Variants in BIRC5 observed in about 807,000 individuals in gnomAD.
BIRC5 encodes the protein baculoviral IAP repeat-containing protein 5.
BIRC5 carries 8 observed loss-of-function variants against 15.8 expected under a neutral mutation model. The ratio of observed to expected loss-of-function variants is 0.51; its 90% CI spans 0.30 to 0.91. The LOEUF (loss-of-function observed/expected upper bound fraction) is 0.91, where lower values mean the gene tolerates loss of function less well. Among genes scored for constraint, BIRC5 ranks in the 40% least tolerant of loss-of-function variants. BIRC5 has a pLI of 0.07. For synonymous variants in BIRC5, 56 were observed against 64.5 expected (o/e 0.87, Z 0.63); for missense variants, 163 against 178.6 (o/e 0.91, Z 0.50).
intron 3 of BIRC5, 137 bp from the exon 4 acceptor site, chr17:78,223,328 A>G: frequency 1.3e-6 from 1 of 789,618 alleles, no homozygotes; most frequent in South Asian, 2.3e-5. Context: ...GTAGCTGGGA[A>G]TCTGCCTAGC....
rs771587762 is a variant in BIRC5, at chr17:78,214,314, G to T, written c.-3G>T. On this transcript the variant is annotated 5_prime_UTR_variant, in exon 1 of 4. Coordinates refer to ENST00000350051, the MANE Select transcript of BIRC5 (RefSeq NM_001168.3). ...ACCCGTTGGCAGAGGTGGCGGCGGCGGCATGGGTGCCCCGACGTTGCCCCC... is the reference window on the plus strand; with the variant it reads ...ACCCGTTGGCAGAGGTGGCGGCGGCTGCATGGGTGCCCCGACGTTGCCCCC... The T allele has an allele frequency of 6.2e-7, 1 of 1,602,046 alleles. No individual in the cohort carries two copies. Among genetic ancestry groups the T allele is most frequent in the Non-Finnish European group, 8.5e-7 (1 of 1,175,738 alleles).
At chr17:78,223,030 AG>A (rs2076525419) in intron 3 of BIRC5, 1 of 1,342,932 alleles carries the variant, frequency 7.4e-7, no homozygotes, top group Admixed American at 3.4e-5. Flanking sequence ...TGCCTAGACT[AG>A]CTGGGGTGCC....
chr17:78,214,567 C>T (rs112948461), intron 1 of BIRC5, 113 bp from the exon 2 acceptor site: 1 of 1,281,854 alleles, frequency 7.8e-7, no homozygotes, highest in African/African-American at 1.5e-5. Context: ...GGCTGGGCCC[C>T]TTGGGTCCAG....
At chr17:78,216,617 C>A (rs199868991) in intron 2 of BIRC5, 47 bp from the exon 3 acceptor site, 3 of 1,573,556 alleles carry the variant, frequency 1.9e-6, no homozygotes, top group East Asian at 2.3e-5. Context: ...TGGACTGCCG[C>A]TTTAATCCCT....
Position 78,214,698 on chromosome 17 carries a change from A to C in BIRC5, c.130A>C (p.Ile44Leu). The change falls in exon 2 of 4, where the codon ATC becomes CTC. Residue 44 changes from isoleucine to leucine, a missense_variant. Transcript: ENST00000350051. ...CTTGCAGATGGCCGAGGCTGGCTTC[A>C]TCCACTGCCCCACTGAGAACGAGCC... Reference protein sequence around the residue: ...TPERMAEAGFIHCPTENEPDL... With the variant: ...TPERMAEAGFLHCPTENEPDL... 6.2e-7 allele frequency: 1 copy of C among 1,608,226 alleles called. No individual in the cohort carries two copies. Among genetic ancestry groups the C allele is most frequent in the Non-Finnish European group, 8.5e-7 (1 of 1,177,820 alleles).
rs1175422196 is a variant in BIRC5 at position 78,214,422 on chromosome 17, G to C, written c.106G>C (p.Glu36Gln). Residue 36 changes from glutamate (E) to glutamine (Q), a missense_variant, in exon 1 of 4, where the codon GAG (glutamate) becomes CAG (glutamine). By Grantham distance (29) the Glu-to-Gln change is conservative (BLOSUM62 2). Transcript: ENST00000350051. ...CTTGGAGGGCTGCGCCTGCACCCCG[G>C]AGCGGGTGAGACTGCCCGGCCTCCT... is the stretch of plus-strand genomic sequence containing the variant. Reference protein sequence around the residue: ...PFLEGCACTPERMAEAGFIHC... With the variant: ...PFLEGCACTPQRMAEAGFIHC... 1.3e-6 allele frequency: 2 copies of C among 1,571,926 alleles called. No individual in the cohort carries two copies. The highest frequency in any genetic ancestry group is 2.3e-5 in the East Asian group (1 of 43,386).
intron 2 of BIRC5, chr17:78,215,911 G>A (rs1421956170): frequency 9.4e-7 from 1 of 1,065,746 alleles, no homozygotes; most frequent in Non-Finnish European, 1.2e-6. Flanking sequence ...TGAGCTAGGG[G>A]GTCCCTTGGG....
intron 3 of BIRC5, among the ~76,000 whole-genome samples, chr17:78,220,313 A>G (rs1284678758): frequency 1.3e-5 from 2 of 152,122 alleles, no homozygotes; most frequent in Non-Finnish European, 2.9e-5. Context: ...CTGTAGTCCC[A>G]GCTACTCGGG....
chr17:78,218,217 G>C (rs187171560), intron 3 of BIRC5, among the ~76,000 whole-genome samples: 101 of 152,052 alleles, frequency 6.6e-4, no homozygotes, highest in Non-Finnish European at 4.7e-4. Flanking sequence ...TTTTGTGTCA[G>C]TATTTACTAG....
chr17:78,219,192 T>C (rs4789555), intron 3 of BIRC5, among the ~76,000 whole-genome samples: 18,867 of 152,130 alleles, frequency 0.12, 1,453 homozygotes, highest in East Asian at 0.26. Context: ...TATGTGGCTT[T>C]ATTTTAATTT....
intron 2 of BIRC5, 112 bp from the exon 3 acceptor site, chr17:78,216,552 C>T (rs889065315): frequency 5.9e-6 from 5 of 854,048 alleles, no homozygotes; most frequent in Non-Finnish European, 9.6e-6. Context: ...CGTCTTACTC[C>T]TGAGGCAGAG....
chr17:78,215,852 G>A (rs200618727), intron 2 of BIRC5: 13 of 1,047,702 alleles, frequency 1.2e-5, no homozygotes, highest in Admixed American at 4.0e-5. Flanking sequence ...TTCTGGTAAC[G>A]GTGATAGTCA....
chr17:78,223,733 C>A lies in BIRC5; in HGVS notation c.*179C>A. 1 of 1,348,584 alleles carries A rather than the reference C, an allele frequency of 7.4e-7. No homozygotes were observed. The highest frequency in any genetic ancestry group is 9.7e-7 in the Non-Finnish European group (1 of 1,027,664). The allele number at this position is 1,348,584 out of a possible 1,614,324, so 83.5% of individuals were successfully genotyped here. On this transcript the variant is annotated 3_prime_UTR_variant, in exon 4 of 4. Coordinates refer to ENST00000350051, the MANE Select transcript of BIRC5 (RefSeq NM_001168.3). ...TGTCTTGAAAGTGGCACCAGAGGTG[C>A]TTCTGCCTGTGCAGCGGGTGCTGCT...
Position 78,223,584 on chromosome 17 carries a change from A to C in BIRC5, c.*30A>C. The stretch of plus-strand genomic sequence containing the variant: ...TCTGGCCGGAGCTGCCTGGTCCCAG[A>C]GTGGCTGCACCACTTCCAGGGTTTA... On this transcript the variant is annotated 3_prime_UTR_variant, in exon 4 of 4. Coordinates refer to ENST00000350051, the MANE Select transcript of BIRC5 (RefSeq NM_001168.3). 9 of 1,613,580 alleles carry C rather than the reference A, an allele frequency of 5.6e-6. No homozygotes were observed. The highest frequency in any genetic ancestry group is 6.8e-6 in the Non-Finnish European group (8 of 1,179,694).
In BIRC5 at chr17:78,223,887, G is replaced by A. The variant is rs1298775643; in HGVS notation, c.*333G>A. On this transcript the variant is annotated 3_prime_UTR_variant, in exon 4 of 4. Coordinates refer to ENST00000350051, the MANE Select transcript of BIRC5 (RefSeq NM_001168.3). ...AGTGTCCCTTTTGCTAGAGCTGACA[G>A]CTTTGTTCGCGTGGGCAGAGCCTTC... The A allele has an allele frequency of 2.3e-6, 1 of 429,274 alleles. No individual in the cohort carries two copies. The allele number at this position is 429,274 out of a possible 1,614,324, so 26.6% of individuals were successfully genotyped here.
rs772312741 is a variant in BIRC5, at chr17:78,223,638, G to T, written c.*84G>T. ...CCTGGTGCCACCAGCCTTCCTGTGG[G>T]CCCCTTAGCAATGTCTTAGGAAAGG... On this transcript the variant is annotated 3_prime_UTR_variant, in exon 4 of 4. Coordinates refer to ENST00000350051, the MANE Select transcript of BIRC5 (RefSeq NM_001168.3). The T allele has an allele frequency of 1.3e-6, 2 of 1,592,730 alleles. No homozygotes were observed. The highest frequency in any genetic ancestry group is 1.7e-6 in the Non-Finnish European group (2 of 1,169,794).
Position 78,214,671 on chromosome 17 carries a change from C to G in BIRC5, c.112-9C>G, listed in dbSNP as rs1332430682. 10 of 1,594,448 alleles carry G rather than the reference C, an allele frequency of 6.3e-6. No individual in the cohort carries two copies. Among genetic ancestry groups the G allele is most frequent in the Non-Finnish European group, 8.5e-6 (10 of 1,171,740 alleles). On this transcript the variant is annotated splice_polypyrimidine_tract_variant and intron_variant, in intron 1 of 3. Coordinates refer to ENST00000350051, the MANE Select transcript of BIRC5 (RefSeq NM_001168.3). The stretch of plus-strand genomic sequence containing the variant: ...CACGTCCACTCACGAGCTGTGCTGT[C>G]CCTTGCAGATGGCCGAGGCTGGCTT...
At chr17:78,218,414 CT>C (rs1261144020) in intron 3 of BIRC5, among the ~76,000 whole-genome samples, 3 of 150,892 alleles carry the variant, frequency 2.0e-5, no homozygotes, top group African/African-American at 7.3e-5. Context: ...CTGCCTTAGC[CT>C]CCCGAGTAGC....
intron 3 of BIRC5, among the ~76,000 whole-genome samples, chr17:78,217,554 C>T (rs990209692): frequency 4.0e-5 from 6 of 151,660 alleles, no homozygotes; most frequent in Non-Finnish European, 7.4e-5. Context: ...TAGAGTGCAG[C>T]GACGGGATCT....
Sources: allele counts gnomAD v4.1 joint callset (sites outside exome capture counted in the v4.1 genomes callset), GRCh38; gene constraint gnomAD v4.1.1; transcripts MANE v1.5; gene names NCBI Gene and HGNC (gene_info 2026-07-23, HGNC 2026-07-21).